ZNF415: variants seen among roughly 807,000 people sequenced by gnomAD.
The protein encoded by ZNF415 is zinc finger protein 415.
A neutral mutation model predicts 7.3 loss-of-function variants in ZNF415; 5 were observed. The ratio of observed to expected loss-of-function variants is 0.69; its 90% CI spans 0.36 to 1.44. ZNF415 has a LOEUF of 1.44. ZNF415 is among the 40% of genes most tolerant of loss of function. ZNF415 has a pLI of 0.04. For synonymous variants in ZNF415, 207 were observed against 226.3 expected (o/e 0.91, Z 0.77); for missense variants, 628 against 664.8 (o/e 0.94, Z 0.61).
intron 2 of ZNF415, among the ~76,000 whole-genome samples, chr19:53,121,692 G>T (rs2146482954): frequency 6.6e-6 from 1 of 152,006 alleles, no homozygotes; most frequent in East Asian, 2.0e-4. Flanking sequence ...AAAGTGCTGG[G>T]ATTATAGGCC....
chr19:53,119,196 G>C (rs2087562877), intron 2 of ZNF415, among the ~76,000 whole-genome samples: 2 of 151,864 alleles, frequency 1.3e-5, no homozygotes, highest in Admixed American at 6.6e-5. Context: ...GCAGGAGAAT[G>C]GCATGAACCC....
intron 2 of ZNF415, among the ~76,000 whole-genome samples, chr19:53,117,447 A>G (rs915224636): frequency 6.6e-6 from 1 of 152,088 alleles, no homozygotes; most frequent in Non-Finnish European, 1.5e-5. Flanking sequence ...GTCTCAAAAA[A>G]AAAAAAGAAA....
At chr19:53,118,727 A>T (rs180774892) in intron 2 of ZNF415, among the ~76,000 whole-genome samples, 1 of 147,572 alleles carries the variant, frequency 6.8e-6, no homozygotes, top group East Asian at 2.0e-4. Context: ...GGGGGAAATT[A>T]AAAAAAAAAA....
intron 1 of ZNF415, chr19:53,123,880 G>C (rs1382672851): frequency 7.4e-6 from 2 of 271,062 alleles, no homozygotes; most frequent in Non-Finnish European, 1.3e-5. Context: ...AATGCATCTA[G>C]GGAGTCAGGA....
At chr19:53,121,717 C>T (rs1169343597) in intron 2 of ZNF415, among the ~76,000 whole-genome samples, 7 of 152,104 alleles carry the variant, frequency 4.6e-5, no homozygotes, top group African/African-American at 9.6e-5. Flanking sequence ...CCACCGTGCT[C>T]GGCCTTACAG....
intron 2 of ZNF415, among the ~76,000 whole-genome samples, chr19:53,121,890 C>T (rs74874225): frequency 0.015 from 2,330 of 152,118 alleles, 32 homozygotes; most frequent in South Asian, 0.05. Flanking sequence ...CAAAATCAGG[C>T]ACAAAATATA....
rs184788363 is a variant in ZNF415, at chr19:53,127,631, C to G, written c.-67-4888G>C. Among the ~76,000 whole-genome samples, 310 of 152,288 alleles carry G rather than the reference C, an allele frequency of 2.0e-3. 1 individual carries two copies. The highest frequency in any genetic ancestry group is 7.1e-3 in the African/African-American group (297 of 41,576). ...TGGTGGCTCCCACCTGTAATCCCAG[C>G]ACTTTAGGAGGCTGAGGCAGGCAGA... On this transcript the variant is annotated intron_variant, in intron 1 of 3. Coordinates refer to ENST00000243643, the MANE Select transcript of ZNF415 (RefSeq NM_018355.4).
intron 3 of ZNF415, among the ~76,000 whole-genome samples, chr19:53,111,340 CTTTTTTTTT>C (rs61112807): frequency 1.9e-5 from 2 of 105,120 alleles, no homozygotes; most frequent in Admixed American, 1.2e-4. Context: ...TATGATATTT[CTTTTTTTTT>C]TTTTTTTTTT....
At position 53,109,795 on chromosome 19, in the gene ZNF415, A is replaced by T. The variant is rs200247975; in HGVS notation, c.250T>A (p.Phe84Ile). ...TTTTTCTTGATTTCCCTGAAGCAAA[A>T]CTCTTCAATGTCATGTTTTTCATGT... ...EQHEKHDIEEFCFREIKKKIH... is the reference protein window; with the variant it reads ...EQHEKHDIEEICFREIKKKIH... Residue 84 changes from phenylalanine (F) to isoleucine (I), a missense_variant, in exon 4 of 4, where the codon TTT becomes ATT. Transcript: ENST00000243643. 174 of 1,613,460 alleles carry T rather than the reference A, an allele frequency of 1.1e-4. No individual in the cohort carries two copies. The highest frequency in any genetic ancestry group is 1.3e-4 in the Non-Finnish European group (158 of 1,179,886).
rs1362253643 is a variant in ZNF415 at position 53,109,602 on chromosome 19, TG to T, written c.442del (p.His148MetfsTer33). ...QLGLSFLPHP[H>X]ELQQFQAEGK... ...TTCAGCTTGAAACTGCTGCAGTTCA[TG>T]GGGATGTGGTAGAAAGCTTAATCCA... is the stretch of plus-strand genomic sequence containing the variant. On this transcript the variant is annotated frameshift_variant, in exon 4 of 4. Coordinates refer to ENST00000243643, the MANE Select transcript of ZNF415 (RefSeq NM_018355.4). LOFTEE classifies it low-confidence loss of function (END_TRUNC). 1 of 1,613,922 alleles carries T rather than the reference TG, an allele frequency of 6.2e-7. No individual in the cohort carries two copies. The highest frequency in any genetic ancestry group is 8.5e-7 in the Non-Finnish European group (1 of 1,179,996).
At chr19:53,115,700 T>C in intron 3 of ZNF415, 1 of 1,548,950 alleles carries the variant, frequency 6.5e-7, no homozygotes, top group Non-Finnish European at 8.7e-7. Flanking sequence ...ATCTGAGGTC[T>C]TACCTGTTTT....
At chr19:53,116,611 C>CTT (rs1568566098) in intron 2 of ZNF415, among the ~76,000 whole-genome samples, 178 bp from the exon 3 acceptor site, 7 of 131,338 alleles carry the variant, frequency 5.3e-5, no homozygotes, top group African/African-American at 2.2e-4. Context: ...TTTTTTTTCT[C>CTT]TCTTTTTTTT....
intron 2 of ZNF415, among the ~76,000 whole-genome samples, chr19:53,120,190 TC>T (rs1298893947): frequency 6.6e-6 from 1 of 152,114 alleles, no homozygotes; most frequent in East Asian, 1.9e-4. Flanking sequence ...TGATAAATAC[TC>T]AAGGTAATAG....
At chr19:53,127,828 G>A (rs1439379643) in intron 1 of ZNF415, among the ~76,000 whole-genome samples, 1 of 148,294 alleles carries the variant, frequency 6.7e-6, no homozygotes, top group Non-Finnish European at 1.5e-5. Flanking sequence ...AGTGGGCCAG[G>A]ATCGCACCAC....
intron 1 of ZNF415, among the ~76,000 whole-genome samples, chr19:53,125,231 A>G (rs904167203): frequency 7.9e-5 from 12 of 151,530 alleles, no homozygotes; most frequent in Non-Finnish European, 1.6e-4. Context: ...TTTAGTAGAG[A>G]CGGGGTTTCA....
intron 3 of ZNF415, among the ~76,000 whole-genome samples, chr19:53,111,166 C>T (rs2086172980): frequency 6.6e-6 from 1 of 151,978 alleles, no homozygotes. Context: ...AGGATTAATG[C>T]CCTTACAGGA....
At chr19:53,128,637 C>T (rs1281745013) in intron 1 of ZNF415, among the ~76,000 whole-genome samples, 2 of 111,922 alleles carry the variant, frequency 1.8e-5, no homozygotes, top group South Asian at 3.5e-4. Context: ...TGGAGTAAGG[C>T]GGTGGGGACG....
intron 2 of ZNF415, among the ~76,000 whole-genome samples, chr19:53,120,052 G>A (rs56410510): frequency 0.085 from 12,779 of 150,678 alleles, 562 homozygotes; most frequent in East Asian, 0.12. Flanking sequence ...CAGCATTCCC[G>A]ATATCAAACC....
At chr19:53,109,947 A>G (rs1372244558) in intron 3 of ZNF415, 39 bp from the exon 4 acceptor site, 1 of 1,464,814 alleles carries the variant, frequency 6.8e-7, no homozygotes, top group Non-Finnish European at 9.2e-7. Flanking sequence ...AATTAATTAG[A>G]GACAGTATAT....
Sources: gnomAD v4.1 joint callset for allele counts (sites outside exome capture counted in the v4.1 genomes callset) on GRCh38, gnomAD v4.1.1 for gene constraint, MANE v1.5 for transcripts, NCBI Gene and HGNC (gene_info 2026-07-23, HGNC 2026-07-21) for gene names.